Variants in CHST8 observed in about 807,000 individuals in gnomAD.
CHST8 encodes GALNAC-4-ST1.
Under a neutral mutation model 15.0 loss-of-function variants are expected in CHST8, and 10 were observed. The observed-to-expected ratio is 0.67, with a 90% CI of 0.41 to 1.13. The LOEUF is 1.13. Ranked by LOEUF, CHST8 falls within the 50% of genes most tolerant of loss-of-function variation. The pLI is 0.00. For synonymous variants in CHST8, 259 were observed against 256.6 expected (o/e 1.01, Z -0.09); for missense variants, 634 against 608.2 (o/e 1.04, Z -0.45).
At chr19:33,663,572 G>T (rs913741167) in intron 1 of CHST8, among the ~76,000 whole-genome samples, 14 of 152,114 alleles carry the variant, frequency 9.2e-5, no homozygotes, top group South Asian at 4.2e-4. Flanking sequence ...CCCCAAAAAG[G>T]TTTAAAAAGC....
At chr19:33,661,176 G>C (rs567215599) in intron 1 of CHST8, among the ~76,000 whole-genome samples, 1 of 152,318 alleles carries the variant, frequency 6.6e-6, no homozygotes, top group South Asian at 2.1e-4. Flanking sequence ...GCTGGGTGTG[G>C]TGGTGTGCAC....
chr19:33,729,033 C>G (rs1383771263), intron 3 of CHST8, among the ~76,000 whole-genome samples: 4 of 152,208 alleles, frequency 2.6e-5, no homozygotes, highest in Non-Finnish European at 5.9e-5. Flanking sequence ...GCACAGGGAG[C>G]TGCTCTGCTG....
chr19:33,745,195 A>G (rs530772318), intron 3 of CHST8, among the ~76,000 whole-genome samples: 237 of 152,238 alleles, frequency 1.6e-3, no homozygotes, highest in Middle Eastern at 6.8e-3. Flanking sequence ...TGCTACTCTT[A>G]AGTCTTGAGA....
intron 3 of CHST8, among the ~76,000 whole-genome samples, chr19:33,724,647 C>T (rs1973860512): frequency 6.6e-6 from 1 of 152,200 alleles, no homozygotes; most frequent in Non-Finnish European, 1.5e-5. Flanking sequence ...GGCACAAAGA[C>T]CAGGTCAGAC....
intron 3 of CHST8, among the ~76,000 whole-genome samples, chr19:33,707,531 G>A (rs1001173712): frequency 1.3e-5 from 2 of 151,958 alleles, no homozygotes; most frequent in African/African-American, 4.8e-5. Flanking sequence ...ATCATATCTG[G>A]TTTCTTTCAC....
intron 3 of CHST8, among the ~76,000 whole-genome samples, chr19:33,723,551 A>G (rs539393124): frequency 9.2e-5 from 14 of 152,198 alleles, no homozygotes; most frequent in Middle Eastern, 3.4e-3. Flanking sequence ...CCTAGAAGAG[A>G]GGAGTGGTGG....
At chr19:33,623,826 C>T (rs185186725) in intron 1 of CHST8, among the ~76,000 whole-genome samples, 1 of 152,268 alleles carries the variant, frequency 6.6e-6, no homozygotes, top group African/African-American at 2.4e-5. Context: ...TTAATCAGGA[C>T]ACCCCAAGCA....
rs117837706 is a variant in CHST8, at chr19:33,748,702, C to T, written c.131-22711C>T. Reference sequence around the variant, plus strand: ...ACGCACACAGCCTTGGACAGTAAGCCCTGATTTCCCATTATACAGATAGTG... The same window carrying T: ...ACGCACACAGCCTTGGACAGTAAGCTCTGATTTCCCATTATACAGATAGTG... On this transcript the variant is annotated intron_variant, in intron 3 of 4. Transcript: ENST00000650847. Among the ~76,000 whole-genome samples, 109 of 152,288 alleles carry T rather than the reference C, an allele frequency of 7.2e-4. 2 individuals carry two copies. In the East Asian group the frequency reaches 0.02, roughly 28 times the overall value.
chr19:33,702,779 C>G (rs1266130262), intron 3 of CHST8, among the ~76,000 whole-genome samples: 1 of 152,224 alleles, frequency 6.6e-6, no homozygotes, highest in Non-Finnish European at 1.5e-5. Flanking sequence ...GGAGTGACCC[C>G]GTTCCCACTC....
chr19:33,720,606 A>G (rs1407052634), intron 3 of CHST8, among the ~76,000 whole-genome samples: 1 of 152,220 alleles, frequency 6.6e-6, no homozygotes, highest in Admixed American at 6.5e-5. Flanking sequence ...GCATCTGCTT[A>G]CAGTGGAGGG....
At chr19:33,769,575 A>C (rs866609175) in intron 3 of CHST8, among the ~76,000 whole-genome samples, 2 of 152,038 alleles carry the variant, frequency 1.3e-5, no homozygotes, top group African/African-American at 4.8e-5. Context: ...GTGCTGGGAC[A>C]GCTGCAGTAA....
intron 2 of CHST8, among the ~76,000 whole-genome samples, chr19:33,688,539 C>T (rs934194944): frequency 2.0e-5 from 3 of 152,186 alleles, no homozygotes; most frequent in Non-Finnish European, 4.4e-5. Context: ...CCTCAGCTCC[C>T]TCTGGTGTGA....
intron 3 of CHST8, among the ~76,000 whole-genome samples, chr19:33,713,346 G>A (rs1334334830): frequency 2.0e-5 from 3 of 152,082 alleles, no homozygotes; most frequent in African/African-American, 7.2e-5. Context: ...CCTGGGAGAT[G>A]CAATGGTGCC....
At chr19:33,771,596 C>A in intron 4 of CHST8, 146 bp downstream of exon 4, 1 of 840,372 alleles carries the variant, frequency 1.2e-6, no homozygotes, top group Non-Finnish European at 1.9e-6. Flanking sequence ...GGGAACAAAG[C>A]CCAGGGCTCT....
At chr19:33,650,525 T>TC (rs1600237041) in intron 1 of CHST8, among the ~76,000 whole-genome samples, 5 of 108,422 alleles carry the variant, frequency 4.6e-5, no homozygotes, top group Non-Finnish European at 7.4e-5. Flanking sequence ...TTTCTTTTTT[T>TC]TTTTTTTTTT....
At chr19:33,755,168 G>A (rs1206769351) in intron 3 of CHST8, among the ~76,000 whole-genome samples, 1 of 152,146 alleles carries the variant, frequency 6.6e-6, no homozygotes, top group Non-Finnish European at 1.5e-5. Context: ...TGCAACCACA[G>A]ATTTTCACAG....
chr19:33,649,434 G>A (rs903719466), intron 1 of CHST8, among the ~76,000 whole-genome samples: 2 of 152,154 alleles, frequency 1.3e-5, no homozygotes, highest in Non-Finnish European at 2.9e-5. Context: ...CCTACAGGCC[G>A]GAAGCGCAGC....
At position 33,765,053 on chromosome 19, in the gene CHST8, C is replaced by CATATATATATATATATATATAT. The variant is rs72103213; in HGVS notation, c.131-6340_131-6339insATATATATATATATATATATAT. 1.6e-3 allele frequency among the ~76,000 whole-genome samples: 139 copies of CATATATATATATATATATATAT among 87,632 alleles called. 8 individuals carry two copies. The highest frequency in any genetic ancestry group is 4.2e-3 in the African/African-American group (70 of 16,616). 57.5% of individuals were successfully genotyped at this position (87,632 alleles called of 152,430 possible). On this transcript the variant is annotated intron_variant, in intron 3 of 4. Transcript: ENST00000650847. ...TTTTTATGGCTAAGTACTATTCCAT[C>CATATATATATATATATATATAT]ATATATATATATATATATATCAGAG...
At chr19:33,712,776 A>C (rs918555257) in intron 3 of CHST8, among the ~76,000 whole-genome samples, 1 of 151,216 alleles carries the variant, frequency 6.6e-6, no homozygotes, top group East Asian at 2.0e-4. Flanking sequence ...TGAGGAGGAG[A>C]CTCCTTGCCC....
Sources: gnomAD v4.1 joint callset for allele counts (sites outside exome capture counted in the v4.1 genomes callset) on GRCh38, gnomAD v4.1.1 for gene constraint, MANE v1.5 for transcripts, NCBI Gene and HGNC (gene_info 2026-07-23, HGNC 2026-07-21) for gene names.